The following CARMIL1 variants were observed in gnomAD, a reference collection of about 807,000 sequenced individuals.
CARMIL1 encodes the protein capping protein regulator and myosin 1 linker 1, also known as F-actin-uncapping protein LRRC16A.
In CARMIL1, 90 loss-of-function variants were observed where a neutral mutation model predicts 177.1. The ratio of observed to expected loss-of-function variants is 0.51; its 90% CI spans 0.43 to 0.61. The LOEUF (loss-of-function observed/expected upper bound fraction) is 0.61. Ranked by LOEUF, CARMIL1 falls within the 20% of genes least tolerant of loss-of-function variation. The probability of loss-of-function intolerance (pLI) is 0.00; values close to 1 mark genes in which losing one functional copy is unlikely to be tolerated. For synonymous variants in CARMIL1, 577 were observed against 606.2 expected (o/e 0.95, Z 0.71); for missense variants, 1,380 against 1,667.0 (o/e 0.83, Z 3.00).
At chr6:25,575,372 A>G (rs1469216702) in intron 29 of CARMIL1, among the ~76,000 whole-genome samples, 1 of 152,188 alleles carries the variant, frequency 6.6e-6, no homozygotes, top group African/African-American at 2.4e-5. Flanking sequence ...GAGTTGAACC[A>G]ATTGAAAGGT....
intron 2 of CARMIL1, among the ~76,000 whole-genome samples, chr6:25,406,463 GA>G (rs1467973939): frequency 6.6e-6 from 1 of 150,702 alleles, no homozygotes; most frequent in Non-Finnish European, 1.5e-5. Context: ...GTTCTTAAAA[GA>G]TCACGTTCAG....
intron 3 of CARMIL1, among the ~76,000 whole-genome samples, chr6:25,425,868 G>A (rs1049367051): frequency 6.6e-6 from 1 of 152,022 alleles, no homozygotes; most frequent in Non-Finnish European, 1.5e-5. Flanking sequence ...GATTTAATTA[G>A]GATAAGTATA....
intron 29 of CARMIL1, 122 bp from the exon 30 acceptor site, chr6:25,580,802 A>G: frequency 1.4e-6 from 1 of 709,204 alleles, no homozygotes; most frequent in Non-Finnish European, 2.4e-6. Flanking sequence ...GTTTTCAATC[A>G]TCTTCTAAAG....
chr6:25,563,691 T>A, intron 29 of CARMIL1: 2 of 985,368 alleles, frequency 2.0e-6, no homozygotes, highest in Non-Finnish European at 2.4e-6. Flanking sequence ...TATTCTTGGC[T>A]TCTTGCTAGG....
intron 2 of CARMIL1, among the ~76,000 whole-genome samples, chr6:25,360,514 CT>C (rs58286040): frequency 0.01 from 1,556 of 152,268 alleles, 24 homozygotes; most frequent in African/African-American, 0.032. Flanking sequence ...ACCTTACATA[CT>C]TTTTTTGTTG....
chr6:25,579,673 G>T lies in CARMIL1; in HGVS notation c.2743-1251G>T, dbSNP rs2151247262. 1.3e-5 allele frequency among the ~76,000 whole-genome samples: 2 copies of T among 152,144 alleles called. 1 individual carries two copies. Among genetic ancestry groups the T allele is most frequent in the Middle Eastern group, 6.8e-3 (2 of 292 alleles). ...GTTTGTCTGCCTTTAACAAAACCTT[G>T]AAAAAAGCCAAATCGGCAAGTTTCA... is the stretch of plus-strand genomic sequence containing the variant. On this transcript the variant is annotated intron_variant, in intron 29 of 36. Transcript: ENST00000329474.
rs34928775 is a variant in CARMIL1, at chr6:25,340,777, G to GTTTTTTTTTTTTTTT, written c.138+55881_138+55895dup. Among the ~76,000 whole-genome samples the GTTTTTTTTTTTTTTT allele has an allele frequency of 2.1e-4, 18 of 86,154 alleles. 1 individual carries two copies. The highest frequency in any genetic ancestry group is 6.8e-4 in the South Asian group (1 of 1,462). 56.5% of individuals were successfully genotyped at this position (86,154 alleles called of 152,430 possible). On this transcript the variant is annotated intron_variant, in intron 2 of 36. Coordinates refer to ENST00000329474, the MANE Select transcript of CARMIL1 (RefSeq NM_017640.6). ...AAGCTGGAGAAGGCTGTCAATGAAGGTTTTTTTTTTTTTTTTTTTTTTTTT... is the reference window on the plus strand; with the variant it reads ...AAGCTGGAGAAGGCTGTCAATGAAGGTTTTTTTTTTTTTTTTTTTTTTTTTTTTTTTTTTTTTTTT...
chr6:25,294,145 A>C (rs1181205645), intron 2 of CARMIL1, among the ~76,000 whole-genome samples: 2 of 152,228 alleles, frequency 1.3e-5, no homozygotes, highest in Non-Finnish European at 2.9e-5. Context: ...AGGCATGTAC[A>C]CATGTCCTGA....
intron 8 of CARMIL1, among the ~76,000 whole-genome samples, chr6:25,459,266 C>CTTTCTTTTCTTTTCTTTCT: frequency 1.4e-5 from 1 of 73,754 alleles, no homozygotes; most frequent in African/African-American, 4.9e-5. Context: ...TTCTTTCTTT[C>CTTTCTTTTCTTTTCTTTCT]TTTTTTTTTT....
chr6:25,307,142 A>G (rs1306739508), intron 2 of CARMIL1, among the ~76,000 whole-genome samples: 1 of 152,062 alleles, frequency 6.6e-6, no homozygotes, highest in African/African-American at 2.4e-5. Flanking sequence ...TGGTCTCCCA[A>G]AGTGCTGGGA....
intron 35 of CARMIL1, among the ~76,000 whole-genome samples, chr6:25,609,569 C>G (rs953469357): frequency 4.0e-5 from 6 of 151,840 alleles, no homozygotes; most frequent in African/African-American, 1.5e-4. Context: ...TTTTCTGGTT[C>G]TAAAAGACCA....
chr6:25,494,647 C>CT (rs1314517289), intron 15 of CARMIL1, among the ~76,000 whole-genome samples: 2 of 152,192 alleles, frequency 1.3e-5, no homozygotes, highest in African/African-American at 4.8e-5. Flanking sequence ...GCCATTTGGA[C>CT]TTTCTGTGCT....
chr6:25,458,545 G>C (rs1352684114), intron 8 of CARMIL1, among the ~76,000 whole-genome samples: 1 of 149,630 alleles, frequency 6.7e-6, no homozygotes, highest in Non-Finnish European at 1.5e-5. Context: ...GGTTAATTGT[G>C]ATGGAAGGGA....
At chr6:25,618,565 A>G (rs1467234327) in intron 36 of CARMIL1, among the ~76,000 whole-genome samples, 1 of 152,224 alleles carries the variant, frequency 6.6e-6, no homozygotes, top group African/African-American at 2.4e-5. Flanking sequence ...CTAGTTGGAA[A>G]GAACATAGGC....
intron 12 of CARMIL1, 71 bp from the exon 13 acceptor site, chr6:25,488,411 A>G (rs1802879284): frequency 1.8e-6 from 2 of 1,104,440 alleles, no homozygotes; most frequent in African/African-American, 1.5e-5. Context: ...GTGTTGGGCC[A>G]TTTATAGAAA....
intron 5 of CARMIL1, among the ~76,000 whole-genome samples, chr6:25,440,617 G>C (rs1484771922): frequency 1.3e-5 from 2 of 152,116 alleles, no homozygotes; most frequent in Non-Finnish European, 2.9e-5. Context: ...GGAGAAGTTG[G>C]TAACCGTATC....
Position 25,462,541 on chromosome 6 carries a change from A to T in CARMIL1, c.615-3332A>T, listed in dbSNP as rs184339048. ...CCAGTGATTCATGCATGATGGCGGC[A>T]TTTGTTGAACATAAGAATGAATGGA... On this transcript the variant is annotated intron_variant, in intron 8 of 36. Transcript: ENST00000329474. Among the ~76,000 whole-genome samples, 981 of 152,308 alleles carry T rather than the reference A, an allele frequency of 6.4e-3. 15 individuals are homozygous for T. The highest frequency in any genetic ancestry group is 0.02 in the African/African-American group (812 of 41,572).
intron 29 of CARMIL1, among the ~76,000 whole-genome samples, chr6:25,565,056 G>A (rs1454624313): frequency 6.6e-6 from 1 of 152,186 alleles, no homozygotes; most frequent in Admixed American, 6.5e-5. Context: ...AGAGAAGTTT[G>A]CTGGAAGGAA....
intron 29 of CARMIL1, chr6:25,563,197 C>T (rs1011727313): frequency 1.4e-5 from 14 of 984,916 alleles, no homozygotes; most frequent in Non-Finnish European, 1.7e-5. Context: ...CTTTTCCTCC[C>T]TTAGAAACCT....
Sources: gnomAD v4.1 joint callset for allele counts (sites outside exome capture counted in the v4.1 genomes callset) on GRCh38, gnomAD v4.1.1 for gene constraint, MANE v1.5 for transcripts, NCBI Gene and HGNC (gene_info 2026-07-23, HGNC 2026-07-21) for gene names.